PCDHGB5: variants seen among roughly 807,000 people sequenced by gnomAD.
PCDHGB5 encodes protocadherin gamma subfamily B, 5, also known as protocadherin gamma-B5.
A neutral mutation model predicts 62.9 loss-of-function variants in PCDHGB5; 48 were observed. The observed-to-expected ratio is 0.76, with a 90% CI of 0.61 to 0.97. The LOEUF is 0.97. Ranked by LOEUF, PCDHGB5 falls within the 50% of genes least tolerant of loss-of-function variation. The probability of loss-of-function intolerance (pLI) is 0.00; values close to 1 mark genes in which losing one functional copy is unlikely to be tolerated. For synonymous variants in PCDHGB5, 474 were observed against 511.2 expected (o/e 0.93, Z 0.98); for missense variants, 1,118 against 1,198.6 (o/e 0.93, Z 0.99).
chr5:141,414,123 C>T (rs1328389134), intron 1 of PCDHGB5: 1 of 1,592,532 alleles, frequency 6.3e-7, no homozygotes. Flanking sequence ...ATGAAGAAAC[C>T]GGTTTCTATG....
At position 141,511,241 on chromosome 5, in the gene PCDHGB5, C is replaced by G; in HGVS notation, c.*68C>G. ...CCAGCCCAGCTTCTCCTTACCTGCA[C>G]CCAGGCCTCAGAGTTTCAGGGCTAA... On this transcript the variant is annotated 3_prime_UTR_variant, in exon 4 of 4. Transcript: ENST00000617380. 1 of 1,585,214 alleles carries G rather than the reference C, an allele frequency of 6.3e-7. No individual in the cohort carries two copies. The highest frequency in any genetic ancestry group is 1.1e-5 in the South Asian group (1 of 87,760).
At chr5:141,464,091 T>G (rs2099075583) in intron 1 of PCDHGB5, among the ~76,000 whole-genome samples, 1 of 151,812 alleles carries the variant, frequency 6.6e-6, no homozygotes, top group African/African-American at 2.4e-5. Flanking sequence ...ATGGTGAAAC[T>G]CCGTCTCTAC....
rs979237199 is a variant in PCDHGB5, at chr5:141,477,828, G to C, written c.2398-16979G>C. On this transcript the variant is annotated intron_variant, in intron 1 of 3. Transcript: ENST00000617380. This position sits in a 1 kb window ranked among gnomAD's most constrained non-coding sequence, Gnocchi z 4.9. Reference sequence around the variant, plus strand: ...AATGCCCCCCAGGTCCTATATCCTCGGCCAGGTGGGAGCTCGGTGGAGATG... The same window carrying C: ...AATGCCCCCCAGGTCCTATATCCTCCGCCAGGTGGGAGCTCGGTGGAGATG... The C allele has an allele frequency of 3.7e-6, 6 of 1,614,082 alleles. No individual in the cohort carries two copies. The highest frequency in any genetic ancestry group is 3.4e-6 in the Non-Finnish European group (4 of 1,180,006).
chr5:141,404,165 T>C, intron 1 of PCDHGB5: 1 of 1,613,246 alleles, frequency 6.2e-7, no homozygotes, highest in South Asian at 1.1e-5. Flanking sequence ...TTACAGATTG[T>C]TGACGGCCCA....
At chr5:141,419,259 CG>C in intron 1 of PCDHGB5, 1 of 1,614,016 alleles carries the variant, frequency 6.2e-7, no homozygotes, top group Non-Finnish European at 8.5e-7. Context: ...AACAACCAGC[CG>C]GGTGCCTCCA....
chr5:141,498,053 G>A (rs2099781284), intron 2 of PCDHGB5, among the ~76,000 whole-genome samples: 1 of 152,204 alleles, frequency 6.6e-6, no homozygotes, highest in Non-Finnish European at 1.5e-5. Flanking sequence ...AAATAAATGT[G>A]AGACTGAAAC....
At position 141,423,009 on chromosome 5, in the gene PCDHGB5, G is replaced by A. The variant is rs371209178; in HGVS notation, c.2397+22485G>A. 28 of 1,614,222 alleles carry A rather than the reference G, an allele frequency of 1.7e-5. No individual in the cohort carries two copies. The East Asian group carries it at 4.9e-4, about 28-fold the overall frequency. On this transcript the variant is annotated intron_variant, in intron 1 of 3. Transcript: ENST00000617380. ...GCTACCTGGTGACCAAGGTGGTTGC[G>A]GTGGACAAAGATTCAGGCCAGAACG...
intron 1 of PCDHGB5, among the ~76,000 whole-genome samples, chr5:141,429,664 ATTATT>A (rs2097234085): frequency 6.6e-6 from 1 of 152,214 alleles, no homozygotes; most frequent in Non-Finnish European, 1.5e-5. Context: ...TTTAAAATAT[ATTATT>A]TTATTTTATG....
At position 141,491,116 on chromosome 5, in the gene PCDHGB5, GGT is replaced by G. The variant is rs2099708409; in HGVS notation, c.2398-3689_2398-3688del. The G allele has an allele frequency of 1.2e-6, 2 of 1,614,178 alleles. No individual in the cohort carries two copies. Among genetic ancestry groups the G allele is most frequent in the Non-Finnish European group, 1.7e-6 (2 of 1,180,024 alleles). On this transcript the variant is annotated intron_variant, in intron 1 of 3. Transcript: ENST00000617380. This position sits in a 1 kb window ranked among gnomAD's most constrained non-coding sequence, Gnocchi z 6.9. Reference sequence around the variant, plus strand: ...ACTGTTCCTCGTGTCTACACACACTGGTGAGGTGCGCACAGCCCGGGCCTTAC... The same window carrying G: ...ACTGTTCCTCGTGTCTACACACACTGGAGGTGCGCACAGCCCGGGCCTTAC...
intron 3 of PCDHGB5, among the ~76,000 whole-genome samples, chr5:141,505,973 G>A (rs1207489923): frequency 6.6e-6 from 1 of 152,166 alleles, no homozygotes; most frequent in Non-Finnish European, 1.5e-5. Context: ...ATCCCCAGCC[G>A]AGAGAACACC....
chr5:141,506,760 G>A (rs1018086132), intron 3 of PCDHGB5, among the ~76,000 whole-genome samples: 1 of 152,128 alleles, frequency 6.6e-6, no homozygotes, highest in Non-Finnish European at 1.5e-5. Context: ...CTAGCTTCTG[G>A]AGCAGCAAAT....
chr5:141,404,741 G>C, intron 1 of PCDHGB5: 1 of 1,614,072 alleles, frequency 6.2e-7, no homozygotes, highest in South Asian at 1.1e-5. Context: ...AGTGGACAGA[G>C]ACTCAGGCCA....
chr5:141,471,214 A>C (rs757487718), intron 1 of PCDHGB5: 2 of 149,606 alleles, frequency 1.3e-5, no homozygotes, highest in Non-Finnish European at 3.0e-5. Context: ...CATGCCTGGC[A>C]ATTTTTTTGT....
At chr5:141,415,791 C>G (rs2095959265) in intron 1 of PCDHGB5, 4 of 1,341,886 alleles carry the variant, frequency 3.0e-6, no homozygotes, top group Admixed American at 8.1e-5. Context: ...GTAAAATTCA[C>G]CTAGTCTCAA....
intron 1 of PCDHGB5, chr5:141,414,354 T>C (rs1389145668): frequency 1.2e-6 from 2 of 1,613,800 alleles, no homozygotes; most frequent in Admixed American, 1.7e-5. Flanking sequence ...TTTTGGCGTA[T>C]CTACCATTTA....
chr5:141,433,460 T>C (rs892333304), intron 1 of PCDHGB5, among the ~76,000 whole-genome samples: 1 of 152,064 alleles, frequency 6.6e-6, no homozygotes, highest in Non-Finnish European at 1.5e-5. Context: ...GATCTGAAAC[T>C]TGGGCTCAGG....
rs2099068970 is a variant in PCDHGB5 at position 141,463,759 on chromosome 5, T to C, written c.2398-31048T>C. 2.0e-5 allele frequency among the ~76,000 whole-genome samples: 3 copies of C among 152,234 alleles called. No homozygotes were observed. The South Asian group carries it at 6.2e-4, about 32-fold the overall frequency. ...CCGCGCCCGGCCTGCTTCTCTTCTCTTATGGGTTAGAATCCTGCACTGTCT... is the reference window on the plus strand; with the variant it reads ...CCGCGCCCGGCCTGCTTCTCTTCTCCTATGGGTTAGAATCCTGCACTGTCT... On this transcript the variant is annotated intron_variant, in intron 1 of 3. Transcript: ENST00000617380.
chr5:141,404,001 C>T, intron 1 of PCDHGB5: 8 of 1,613,870 alleles, frequency 5.0e-6, no homozygotes, highest in South Asian at 1.1e-5. Context: ...GTGACCATTA[C>T]ATCTCTGTTT....
chr5:141,413,989 G>C, intron 1 of PCDHGB5: 1 of 1,613,400 alleles, frequency 6.2e-7, no homozygotes, highest in East Asian at 2.2e-5. Context: ...CACAGCCACC[G>C]ACAGGGACGA....
Sources: gnomAD v4.1 joint callset for allele counts (sites outside exome capture counted in the v4.1 genomes callset) on GRCh38, gnomAD v4.1.1 for gene constraint, Gnocchi (gnomAD v3.1) non-coding constraint, MANE v1.5 for transcripts, NCBI Gene and HGNC (gene_info 2026-07-23, HGNC 2026-07-21) for gene names.